Variants in LAMTOR2 observed in about 807,000 individuals in gnomAD.
LAMTOR2 encodes the protein ragulator complex protein LAMTOR2.
Under a neutral mutation model 15.8 loss-of-function variants are expected in LAMTOR2, and 4 were observed. The observed-to-expected ratio is 0.25, with a 90% CI of 0.12 to 0.58. LAMTOR2 has a LOEUF of 0.58. Ranked by LOEUF, LAMTOR2 falls within the 20% of genes least tolerant of loss-of-function variation. LAMTOR2 has a pLI of 0.91. For missense variants in LAMTOR2, 100 were observed against 161.0 expected, an observed-to-expected ratio of 0.62 and a Z score of 2.05; for synonymous variants, 62 against 64.1, an observed-to-expected ratio of 0.97 and a Z score of 0.15.
chr1:156,058,352 C>T lies in LAMTOR2; in HGVS notation c.359C>T (p.Thr120Ile). 1 of 1,614,136 alleles carries T rather than the reference C, an allele frequency of 6.2e-7. No homozygotes were observed. Among genetic ancestry groups the T allele is most frequent in the Non-Finnish European group, 8.5e-7 (1 of 1,180,002 alleles). The change falls in exon 4 of 4, where the codon ACC becomes ATC. Residue 120 changes from threonine to isoleucine, a missense_variant. Coordinates refer to ENST00000368305, the MANE Select transcript of LAMTOR2 (RefSeq NM_014017.4). The part of the protein sequence containing the change: ...ALVQYLEEPL[T>I]QVAAS Reference sequence around the variant, plus strand: ...GTGCAGTACCTGGAGGAGCCCCTCACCCAAGTGGCGGCATCTTAACGGCAT... The same window carrying T: ...GTGCAGTACCTGGAGGAGCCCCTCATCCAAGTGGCGGCATCTTAACGGCAT...
intron 3 of LAMTOR2, 103 bp from the exon 4 acceptor site, chr1:156,058,212 G>T: frequency 6.5e-7 from 1 of 1,532,712 alleles, no homozygotes; most frequent in Non-Finnish European, 9.0e-7. Context: ...GAGCAGGTGG[G>T]GGTTGGGGGC....
rs1340233832 is a variant in LAMTOR2, at chr1:156,057,985, G to A, written c.239G>A (p.Arg80His). ...TCATATCACCCCCACCAGGAGGGCC[G>A]TGTAGCCATCACCCGAGTGGCCAAC... is the stretch of plus-strand genomic sequence containing the variant. Reference protein sequence around the residue: ...KFILMDCMEGRVAITRVANLL... With the variant: ...KFILMDCMEGHVAITRVANLL... Residue 80 changes from arginine to histidine, a missense_variant, in exon 3 of 4, where the codon CGT becomes CAT. Transcript: ENST00000368305. 1.5e-5 allele frequency: 25 copies of A among 1,613,934 alleles called. No individual in the cohort carries two copies. Among genetic ancestry groups the A allele is most frequent in the Non-Finnish European group, 1.7e-5 (20 of 1,179,926 alleles).
chr1:156,057,263 C>G (rs1323917780), intron 2 of LAMTOR2, among the ~76,000 whole-genome samples: 5 of 151,458 alleles, frequency 3.3e-5, no homozygotes, highest in Non-Finnish European at 7.4e-5. Context: ...GAGGCTGAGG[C>G]TGGAGGATTA....
chr1:156,058,287 G>A lies in LAMTOR2; in HGVS notation c.322-28G>A, dbSNP rs745842084. 13 of 1,613,928 alleles carry A rather than the reference G, an allele frequency of 8.1e-6. No individual in the cohort carries two copies. The Middle Eastern group carries it at 4.9e-4, about 61-fold the overall frequency. ...GGGTCCCTAATGCCAGGCTGTGTGC[G>A]GGACTGATCTCTGTTCTCCCTCTGC... is the stretch of plus-strand genomic sequence containing the variant. On this transcript the variant is annotated intron_variant, in intron 3 of 3. Coordinates refer to ENST00000368305, the MANE Select transcript of LAMTOR2 (RefSeq NM_014017.4).
Position 156,054,827 on chromosome 1 carries a change from A to AGCGGCCC in LAMTOR2, c.-58_-52dup. 1.3e-6 allele frequency: 2 copies of AGCGGCCC among 1,513,924 alleles called. No individual in the cohort carries two copies. The highest frequency in any genetic ancestry group is 1.8e-6 in the Non-Finnish European group (2 of 1,095,452). The allele number at this position is 1,513,924 out of a possible 1,614,324, so 93.8% of individuals were successfully genotyped here. On this transcript the variant is annotated 5_prime_UTR_variant, in exon 1 of 4. Transcript: ENST00000368305. ...AACGGGACTACGGGAAGCAGCGGGCAGCGGCCCGCGGGAGGCACCTCGGAG... is the reference window on the plus strand; with the variant it reads ...AACGGGACTACGGGAAGCAGCGGGCAGCGGCCCGCGGCCCGCGGGAGGCACCTCGGAG...
In LAMTOR2 at chr1:156,055,061, A is replaced by T; in HGVS notation, c.68+104A>T. The T allele has an allele frequency of 7.1e-7, 1 of 1,417,530 alleles. No individual in the cohort carries two copies. 87.8% of individuals were successfully genotyped at this position (1,417,530 alleles called of 1,614,324 possible). A position where few individuals can be genotyped will look rare whatever the true frequency, so the allele number is the denominator to read the frequency against. ...GATCACCAGGAAGGGAGGAAGCGGC[A>T]GAGGGGGCAGCGGCTGGGGATACCG... On this transcript the variant is annotated intron_variant, in intron 1 of 3. Transcript: ENST00000368305. This position sits in a 1 kb window ranked among gnomAD's most constrained non-coding sequence, Gnocchi z 4.8.
In LAMTOR2 at chr1:156,058,043, G is replaced by C. The variant is rs1320228512; in HGVS notation, c.297G>C (p.Val99=). Residue 99 remains valine (V), a synonymous_variant, in exon 3 of 4, where the codon GTG becomes GTC. Coordinates refer to ENST00000368305, the MANE Select transcript of LAMTOR2 (RefSeq NM_014017.4). ...LLLCMYAKET[V]GFGMLKAKAQ... ...TGTGTATGTATGCCAAGGAGACCGTGGGCTTTGGAATGCTCAAGGCCAAGG... is the reference window on the plus strand; with the variant it reads ...TGTGTATGTATGCCAAGGAGACCGTCGGCTTTGGAATGCTCAAGGCCAAGG... The C allele has an allele frequency of 6.2e-6, 10 of 1,614,020 alleles. No individual in the cohort carries two copies. The highest frequency in any genetic ancestry group is 8.5e-6 in the Non-Finnish European group (10 of 1,180,018).
At chr1:156,057,878 A>T in intron 2 of LAMTOR2, 100 bp from the exon 3 acceptor site, 1 of 1,109,236 alleles carries the variant, frequency 9.0e-7, no homozygotes, top group Non-Finnish European at 1.4e-6. Context: ...AGGGCATGGG[A>T]GGAAGATATA....
intron 2 of LAMTOR2, 81 bp from the exon 3 acceptor site, chr1:156,057,897 G>A: frequency 2.3e-6 from 3 of 1,314,696 alleles, no homozygotes; most frequent in Non-Finnish European, 3.3e-6. Context: ...TAGTCTCTCT[G>A]GGGCCAGAGA....
chr1:156,056,251 G>A (rs1647361813), intron 2 of LAMTOR2, among the ~76,000 whole-genome samples: 1 of 152,056 alleles, frequency 6.6e-6, no homozygotes, highest in Non-Finnish European at 1.5e-5. Context: ...ATCTACCCAC[G>A]TTGGCCTCCC....
Position 156,054,807 on chromosome 1 carries a change from G to A in LAMTOR2, c.-83G>A. The A allele has an allele frequency of 5.0e-6, 7 of 1,405,056 alleles. No individual in the cohort carries two copies. In the Middle Eastern group the frequency reaches 5.6e-4, roughly 113 times the overall value. The allele number at this position is 1,405,056 out of a possible 1,614,324, so 87.0% of individuals were successfully genotyped here. A position where few individuals can be genotyped will look rare whatever the true frequency, so the allele number is the denominator to read the frequency against. On this transcript the variant is annotated 5_prime_UTR_variant, in exon 1 of 4. Transcript: ENST00000368305. ...AGGGCGTCCCGGAGCAGGCCAACGGGACTACGGGAAGCAGCGGGCAGCGGC... is the reference window on the plus strand; with the variant it reads ...AGGGCGTCCCGGAGCAGGCCAACGGAACTACGGGAAGCAGCGGGCAGCGGC...
At position 156,055,130 on chromosome 1, in the gene LAMTOR2, G is replaced by A; in HGVS notation, c.69-133G>A. On this transcript the variant is annotated intron_variant, in intron 1 of 3. Coordinates refer to ENST00000368305, the MANE Select transcript of LAMTOR2 (RefSeq NM_014017.4). The surrounding 1 kb of genome is among the most constrained non-coding windows in gnomAD (Gnocchi z 4.8). The stretch of plus-strand genomic sequence containing the variant: ...GAAAAGGGAAGCCGGTGTGCTGGGT[G>A]CTTAGGGCATGTTCCGGGACACGCT... 7.1e-7 allele frequency: 1 copy of A among 1,409,716 alleles called. No individual in the cohort carries two copies. The highest frequency in any genetic ancestry group is 1.4e-5 in the African/African-American group (1 of 70,832). The allele number at this position is 1,409,716 out of a possible 1,614,324, so 87.3% of individuals were successfully genotyped here. A position where few individuals can be genotyped will look rare whatever the true frequency, so the allele number is the denominator to read the frequency against.
Position 156,054,806 on chromosome 1 carries a change from G to A in LAMTOR2, c.-84G>A. 7.2e-7 allele frequency: 1 copy of A among 1,398,138 alleles called. No individual in the cohort carries two copies. The highest frequency in any genetic ancestry group is 1.4e-5 in the African/African-American group (1 of 70,474). The allele number at this position is 1,398,138 out of a possible 1,614,324, so 86.6% of individuals were successfully genotyped here. ...CAGGGCGTCCCGGAGCAGGCCAACG[G>A]GACTACGGGAAGCAGCGGGCAGCGG... On this transcript the variant is annotated 5_prime_UTR_variant, in exon 1 of 4. Transcript: ENST00000368305.
chr1:156,058,291 C>T (rs780015559), intron 3 of LAMTOR2, 24 bp from the exon 4 acceptor site: 1 of 1,614,112 alleles, frequency 6.2e-7, no homozygotes, highest in Non-Finnish European at 8.5e-7. Flanking sequence ...GTGTGCGGGA[C>T]TGATCTCTGT....
Position 156,055,104 on chromosome 1 carries a change from C to T in LAMTOR2, c.68+147C>T. On this transcript the variant is annotated intron_variant, in intron 1 of 3. Transcript: ENST00000368305. The surrounding 1 kb of genome is among the most constrained non-coding windows in gnomAD (Gnocchi z 4.8). Reference sequence around the variant, plus strand: ...GGATACCGGCCGGGAGGTCCCCTGTCGAAAAGGGAAGCCGGTGTGCTGGGT... The same window carrying T: ...GGATACCGGCCGGGAGGTCCCCTGTTGAAAAGGGAAGCCGGTGTGCTGGGT... 2 of 1,362,266 alleles carry T rather than the reference C, an allele frequency of 1.5e-6. No individual in the cohort carries two copies. Among genetic ancestry groups the T allele is most frequent in the Non-Finnish European group, 2.1e-6 (2 of 958,734 alleles). 84.4% of individuals were successfully genotyped at this position (1,362,266 alleles called of 1,614,324 possible). A position where few individuals can be genotyped will look rare whatever the true frequency, so the allele number is the denominator to read the frequency against.
chr1:156,054,811 A>T lies in LAMTOR2; in HGVS notation c.-79A>T. ...CGTCCCGGAGCAGGCCAACGGGACT[A>T]CGGGAAGCAGCGGGCAGCGGCCCGC... On this transcript the variant is annotated 5_prime_UTR_variant, in exon 1 of 4. Coordinates refer to ENST00000368305, the MANE Select transcript of LAMTOR2 (RefSeq NM_014017.4). 1 of 1,444,774 alleles carries T rather than the reference A, an allele frequency of 6.9e-7. No homozygotes were observed. Among genetic ancestry groups the T allele is most frequent in the Non-Finnish European group, 9.6e-7 (1 of 1,037,302 alleles). The allele number at this position is 1,444,774 out of a possible 1,614,324, so 89.5% of individuals were successfully genotyped here. A position where few individuals can be genotyped will look rare whatever the true frequency, so the allele number is the denominator to read the frequency against.
intron 2 of LAMTOR2, among the ~76,000 whole-genome samples, chr1:156,056,735 T>A (rs1158428212): frequency 6.6e-6 from 1 of 152,014 alleles, no homozygotes; most frequent in Non-Finnish European, 1.5e-5. Context: ...CCAGGAAGGA[T>A]CTTCATTGTA....
chr1:156,055,377 C>A lies in LAMTOR2; in HGVS notation c.183C>A (p.Asn61Lys). 1.2e-6 allele frequency: 2 copies of A among 1,614,218 alleles called. No homozygotes were observed. Among genetic ancestry groups the A allele is most frequent in the Non-Finnish European group, 8.5e-7 (1 of 1,180,038 alleles). The change falls in exon 2 of 4, where the codon AAC becomes AAA. Residue 61 changes from asparagine to lysine, a missense_variant. By Grantham distance (94) the Asn-to-Lys change is moderately conservative (BLOSUM62 0). Transcript: ENST00000368305. The surrounding 1 kb of genome is among the most constrained non-coding windows in gnomAD (Gnocchi z 4.8). ...NIWAAYDRNGNQAFNEDNLKF... is the reference protein window; with the variant it reads ...NIWAAYDRNGKQAFNEDNLKF... ...GGGCCGCCTACGACCGGAACGGGAA[C>A]CAAGCGTTTAATGAAGACAATCTCA...
Position 156,058,482 on chromosome 1 carries a change from C to T in LAMTOR2, c.*111C>T. 9.0e-7 allele frequency: 1 copy of T among 1,109,448 alleles called. No individual in the cohort carries two copies. The highest frequency in any genetic ancestry group is 2.5e-5 in the East Asian group (1 of 40,612). 68.7% of individuals were successfully genotyped at this position (1,109,448 alleles called of 1,614,324 possible). A position where few individuals can be genotyped will look rare whatever the true frequency, so the allele number is the denominator to read the frequency against. On this transcript the variant is annotated 3_prime_UTR_variant, in exon 4 of 4. Coordinates refer to ENST00000368305, the MANE Select transcript of LAMTOR2 (RefSeq NM_014017.4). The stretch of plus-strand genomic sequence containing the variant: ...GGGGAGGATGGGACTTTGTTTTTTC[C>T]AAGAATAAACTTCAACTCCTGTCAT...
Sources: gnomAD v4.1 joint callset for allele counts (sites outside exome capture counted in the v4.1 genomes callset) on GRCh38, gnomAD v4.1.1 for gene constraint, Gnocchi (gnomAD v3.1) non-coding constraint, MANE v1.5 for transcripts, NCBI Gene and HGNC (gene_info 2026-07-23, HGNC 2026-07-21) for gene names.